Variants in STXBP3 observed in about 807,000 individuals in gnomAD.
STXBP3 encodes the protein syntaxin-binding protein 3.
In STXBP3, 41 loss-of-function variants were observed where a neutral mutation model predicts 85.7. The observed-to-expected ratio is 0.48, with a 90% CI of 0.37 to 0.62. The LOEUF is 0.62. Among genes scored for constraint, STXBP3 ranks in the 20% least tolerant of loss-of-function variants. The pLI, the probability that STXBP3 is intolerant of heterozygous loss-of-function variation, is 0.00. For synonymous variants in STXBP3, 229 were observed against 231.7 expected, an observed-to-expected ratio of 0.99 and a Z score of 0.10; for missense variants, 563 against 703.1, an observed-to-expected ratio of 0.80 and a Z score of 2.25.
At chr1:108,808,436 C>G (rs1241862517) in intron 18 of STXBP3, among the ~76,000 whole-genome samples, 1 of 152,206 alleles carries the variant, frequency 6.6e-6, no homozygotes, top group Non-Finnish European at 1.5e-5. Context: ...TGTGTTAAGC[C>G]TTGACCTGCA....
chr1:108,796,213 C>T (rs373146805), intron 13 of STXBP3, 21 bp from the exon 14 acceptor site: 106 of 1,600,312 alleles, frequency 6.6e-5, no homozygotes, highest in Non-Finnish European at 8.7e-5. Context: ...AGATCACTGA[C>T]AATATTTTAT....
chr1:108,798,147 T>A lies in STXBP3; in HGVS notation c.1359T>A (p.Ser453=), dbSNP rs1663151444. 2 of 1,605,052 alleles carry A rather than the reference T, an allele frequency of 1.2e-6. No individual in the cohort carries two copies. The highest frequency in any genetic ancestry group is 1.7e-4 in the Middle Eastern group (1 of 6,010). The part of the protein sequence containing the change: ...SYLGVPIVPQ[S]QQGKPLRKDR... Reference sequence around the variant, plus strand: ...TTTTTTTCCTCTAATTGTATTAGTCTCAACAAGGCAAACCGTTAAGAAAGG... The same window carrying A: ...TTTTTTTCCTCTAATTGTATTAGTCACAACAAGGCAAACCGTTAAGAAAGG... The change falls in exon 16 of 19, where the codon TCT becomes TCA. Residue 453 remains serine, a splice_region_variant and synonymous_variant. Transcript: ENST00000370008.
intron 8 of STXBP3, among the ~76,000 whole-genome samples, chr1:108,778,385 T>C (rs1662633879): frequency 6.6e-6 from 1 of 152,108 alleles, no homozygotes; most frequent in Admixed American, 6.5e-5. Flanking sequence ...TGCGAATTAA[T>C]GATAACAAGG....
intron 16 of STXBP3, 64 bp from the exon 17 acceptor site, chr1:108,800,156 T>TTA (rs1663201496): frequency 1.7e-6 from 2 of 1,181,360 alleles, no homozygotes; most frequent in African/African-American, 1.5e-5. Flanking sequence ...GTTTTGACCT[T>TTA]TATGCCAAAC....
intron 11 of STXBP3, among the ~76,000 whole-genome samples, chr1:108,793,308 G>C (rs954622122): frequency 1.3e-5 from 2 of 151,762 alleles, no homozygotes; most frequent in Non-Finnish European, 2.9e-5. Flanking sequence ...TCACTCAGCT[G>C]TCTCAGCTGT....
intron 16 of STXBP3, among the ~76,000 whole-genome samples, chr1:108,799,794 T>C (rs905924114): frequency 6.6e-6 from 1 of 152,130 alleles, no homozygotes; most frequent in African/African-American, 2.4e-5. Context: ...AGGGAAAATT[T>C]TAAAGAATAA....
intron 1 of STXBP3, among the ~76,000 whole-genome samples, chr1:108,748,999 C>G (rs1661851501): frequency 6.6e-6 from 1 of 152,060 alleles, no homozygotes; most frequent in Admixed American, 6.6e-5. Context: ...TTAATATAAA[C>G]AAAGGGTTGT....
chr1:108,766,979 C>T, intron 6 of STXBP3: 1 of 518,786 alleles, frequency 1.9e-6, no homozygotes. Flanking sequence ...TTGCTTTCAA[C>T]CCTGCTTTGA....
At chr1:108,785,037 G>A (rs181267253) in intron 11 of STXBP3, among the ~76,000 whole-genome samples, 2 of 152,204 alleles carry the variant, frequency 1.3e-5, no homozygotes, top group African/African-American at 4.8e-5. Context: ...TCATGGGCTG[G>A]TGTTGAGTGT....
chr1:108,803,272 T>TA (rs1329034137), intron 17 of STXBP3, among the ~76,000 whole-genome samples: 1 of 152,226 alleles, frequency 6.6e-6, no homozygotes, highest in African/African-American at 2.4e-5. Context: ...CAACTGGATG[T>TA]AAACCATGCA....
chr1:108,803,404 C>T (rs570143925), intron 17 of STXBP3, among the ~76,000 whole-genome samples: 9 of 152,292 alleles, frequency 5.9e-5, no homozygotes, highest in South Asian at 2.1e-4. Flanking sequence ...CCTGTTAAAT[C>T]GCCCACCACC....
intron 17 of STXBP3, among the ~76,000 whole-genome samples, chr1:108,801,329 C>T (rs1663227939): frequency 1.3e-5 from 2 of 152,220 alleles, no homozygotes; most frequent in Admixed American, 6.5e-5. Flanking sequence ...TGTATATCTA[C>T]TAATTTTTGG....
intron 1 of STXBP3, among the ~76,000 whole-genome samples, chr1:108,751,071 A>G (rs1354168234): frequency 6.6e-6 from 1 of 152,168 alleles, no homozygotes; most frequent in Non-Finnish European, 1.5e-5. Flanking sequence ...TGGAGGCTTC[A>G]TTATATAAGC....
intron 1 of STXBP3, among the ~76,000 whole-genome samples, chr1:108,751,025 CT>C (rs1230150930): frequency 6.6e-6 from 1 of 152,190 alleles, no homozygotes; most frequent in Non-Finnish European, 1.5e-5. Flanking sequence ...TGTTCACCAC[CT>C]TGGGAGCTCT....
intron 17 of STXBP3, among the ~76,000 whole-genome samples, chr1:108,805,820 A>G (rs1663318940): frequency 6.6e-6 from 1 of 152,120 alleles, no homozygotes; most frequent in Non-Finnish European, 1.5e-5. Context: ...GCTTGAGCCT[A>G]AGAGTTCGAG....
intron 11 of STXBP3, among the ~76,000 whole-genome samples, chr1:108,787,105 T>A (rs1662848596): frequency 6.6e-6 from 1 of 152,170 alleles, no homozygotes; most frequent in South Asian, 2.1e-4. Context: ...TCTGGTGACC[T>A]TGCTAAATTT....
chr1:108,765,195 C>T (rs1662233774), intron 6 of STXBP3, among the ~76,000 whole-genome samples: 1 of 152,086 alleles, frequency 6.6e-6, no homozygotes, highest in Non-Finnish European at 1.5e-5. Context: ...AGGTATGCGG[C>T]CTTATATATG....
chr1:108,780,488 A>T (rs941762721), intron 9 of STXBP3: 5 of 151,156 alleles, frequency 3.3e-5, no homozygotes, highest in Non-Finnish European at 7.4e-5. Flanking sequence ...AATTAGATGG[A>T]AGTAAAGCTC....
intron 11 of STXBP3, among the ~76,000 whole-genome samples, chr1:108,792,388 G>A (rs1662994343): frequency 1.3e-5 from 2 of 152,002 alleles, no homozygotes; most frequent in African/African-American, 4.8e-5. Context: ...TTTTATTGAT[G>A]CATAGTAACT....
Sources: allele counts gnomAD v4.1 joint callset (sites outside exome capture counted in the v4.1 genomes callset), GRCh38; gene constraint gnomAD v4.1.1; transcripts MANE v1.5; gene names NCBI Gene and HGNC (gene_info 2026-07-23, HGNC 2026-07-21).